Variants in DOCK8 observed in about 807,000 individuals in gnomAD.
The protein encoded by DOCK8 is dedicator of cytokinesis 8.
DOCK8 carries 141 observed loss-of-function variants against 245.6 expected under a neutral mutation model. The ratio of observed to expected loss-of-function variants is 0.57; its 90% CI spans 0.50 to 0.66. DOCK8 has a LOEUF of 0.66. DOCK8 is among the 30% of genes least tolerant of loss of function. The pLI is 0.00. For missense variants in DOCK8, 2,965 were observed against 2,603.4 expected (o/e 1.14, Z -3.02); for synonymous variants, 1,168 against 970.2 (o/e 1.20, Z -3.79).
chr9:271,629 A>G lies in DOCK8; in HGVS notation c.56A>G (p.Tyr19Cys), dbSNP rs578093992. The G allele has an allele frequency of 1.9e-5, 29 of 1,542,620 alleles. No homozygotes were observed. The highest frequency in any genetic ancestry group is 2.5e-5 in the Non-Finnish European group (28 of 1,138,916). ...RRAFALKINR[Y>C]SSAEIRKQFT... ...AGATTTTTCTATTTTAATCCAAGGT[A>G]TTCTTCAGCGGAAATAAGGAAACAG... The change falls in exon 2 of 48, where the codon TAT (tyrosine) becomes TGT (cysteine). Residue 19 changes from tyrosine to cysteine, a missense_variant and splice_region_variant. Physicochemically the swap from Tyr to Cys is radical, Grantham distance 194. Transcript: ENST00000432829.
intron 10 of DOCK8, among the ~76,000 whole-genome samples, chr9:332,824 G>GT (rs1312973281): frequency 6.6e-6 from 1 of 151,656 alleles, no homozygotes; most frequent in African/African-American, 2.4e-5. Context: ...TGCTTGGCTA[G>GT]TTTTTTATTT....
At chr9:426,741 T>C in intron 33 of DOCK8, 144 bp from the exon 34 acceptor site, 1 of 710,474 alleles carries the variant, frequency 1.4e-6, no homozygotes, top group Non-Finnish European at 2.5e-6. Flanking sequence ...ACCTGCACTG[T>C]AGTTACTCAG....
chr9:364,828 C>T (rs1182379612), intron 14 of DOCK8, among the ~76,000 whole-genome samples: 1 of 152,042 alleles, frequency 6.6e-6, no homozygotes, highest in East Asian at 1.9e-4. Flanking sequence ...CTTTCATAGT[C>T]ATTTCTGTTA....
At chr9:434,689 T>C (rs888508624) in intron 38 of DOCK8, 94 bp from the exon 39 acceptor site, 3 of 1,364,430 alleles carry the variant, frequency 2.2e-6, no homozygotes, top group African/African-American at 2.9e-5. Flanking sequence ...CAGGGAACTC[T>C]TGGGGAGAAA....
At position 400,937 on chromosome 9, in the gene DOCK8, A is replaced by C. The variant is rs867488006; in HGVS notation, c.3234+1678A>C. On this transcript the variant is annotated intron_variant, in intron 26 of 47. Transcript: ENST00000432829. ...CTCCTTCACCATCACCACAACATCCACCACCACCATCACCACCACCACCAC... is the reference window on the plus strand; with the variant it reads ...CTCCTTCACCATCACCACAACATCCCCCACCACCATCACCACCACCACCAC... Among the ~76,000 whole-genome samples, 86 of 108,556 alleles carry C rather than the reference A, an allele frequency of 7.9e-4. 29 individuals carry two copies. Among genetic ancestry groups the C allele is most frequent in the Middle Eastern group, 0.011 (2 of 182 alleles). The allele number at this position is 108,556 out of a possible 152,430, so 71.2% of individuals were successfully genotyped here. A position where few individuals can be genotyped will look rare whatever the true frequency, so the allele number is the denominator to read the frequency against.
chr9:357,587 A>ATTTTTTTTTTTTTTTTT (rs112232586), intron 14 of DOCK8, among the ~76,000 whole-genome samples: 5 of 147,446 alleles, frequency 3.4e-5, no homozygotes, highest in African/African-American at 1.2e-4. Flanking sequence ...ATTTGATACC[A>ATTTTTTTTTTTTTTTTT]TTTTTTTTTT....
chr9:279,997 C>T (rs757026971), intron 2 of DOCK8, among the ~76,000 whole-genome samples: 2 of 152,148 alleles, frequency 1.3e-5, no homozygotes, highest in Non-Finnish European at 2.9e-5. Context: ...GTATACTACA[C>T]TGTGTTAGGA....
rs1304310869 is a variant in DOCK8, at chr9:271,731, T to C, written c.156+2T>C. 1 of 1,546,430 alleles carries C rather than the reference T, an allele frequency of 6.5e-7. No homozygotes were observed. The highest frequency in any genetic ancestry group is 2.0e-5 in the Admixed American group (1 of 50,904). On this transcript the variant is annotated splice_donor_variant, in intron 2 of 47. Coordinates refer to ENST00000432829, the MANE Select transcript of DOCK8 (RefSeq NM_203447.4). LOFTEE classifies it high-confidence loss of function. Reference sequence around the variant, plus strand: ...TCTGGCTTCCCCTCTCTTCAACTAGTAAGTATGAGTTCCAGGTTTACTTAG... The same window carrying C: ...TCTGGCTTCCCCTCTCTTCAACTAGCAAGTATGAGTTCCAGGTTTACTTAG...
intron 8 of DOCK8, 139 bp downstream of exon 8, chr9:325,876 C>G (rs2050745006): frequency 1.2e-5 from 10 of 811,816 alleles, no homozygotes; most frequent in Non-Finnish European, 1.8e-5. Flanking sequence ...AGTTCTGTTG[C>G]CTTTGCAATT....
rs199914759 is a variant in DOCK8, at chr9:215,288, C to G, written c.53+259C>G. 21 of 1,608,828 alleles carry G rather than the reference C, an allele frequency of 1.3e-5. No homozygotes were observed. The East Asian group carries it at 3.8e-4, about 29-fold the overall frequency. ...GTCCTCAGCCGCCGGGGATCCCTTCCCCGAACAACCTCGCCCGCTCCGCCC... is the reference window on the plus strand; with the variant it reads ...GTCCTCAGCCGCCGGGGATCCCTTCGCCGAACAACCTCGCCCGCTCCGCCC... On this transcript the variant is annotated intron_variant, in intron 1 of 47. Transcript: ENST00000432829.
chr9:238,413 T>G (rs375108218), intron 1 of DOCK8, among the ~76,000 whole-genome samples: 6 of 152,306 alleles, frequency 3.9e-5, no homozygotes, highest in African/African-American at 7.2e-5. Flanking sequence ...TGGCACAGGG[T>G]TCCACACTTG....
At chr9:431,268 C>A (rs10758580) in intron 36 of DOCK8, among the ~76,000 whole-genome samples, 105,170 of 152,042 alleles carry the variant, frequency 0.69, 37,965 homozygotes, top group East Asian at 0.99. Context: ...ATTTTGATAC[C>A]TTCTTTGGAA....
Position 311,285 on chromosome 9 carries a change from T to TAAAA in DOCK8, c.529-658_529-655dup, listed in dbSNP as rs57814753. Among the ~76,000 whole-genome samples the TAAAA allele has an allele frequency of 8.4e-4, 119 of 141,782 alleles. No homozygotes were observed. In the East Asian group the frequency reaches 0.011, roughly 13 times the overall value. 93.0% of individuals were successfully genotyped at this position (141,782 alleles called of 152,430 possible). A position where few individuals can be genotyped will look rare whatever the true frequency, so the allele number is the denominator to read the frequency against. ...AGGTGTCGCAGCAAGACTCGGTCTT[T>TAAAA]AAAAAAAAAAAAAAGGTAATCATAC... On this transcript the variant is annotated intron_variant, in intron 5 of 47. Transcript: ENST00000432829.
rs760091759 is a variant in DOCK8 at position 452,133 on chromosome 9, G to A, written c.6068+16G>A. 1.3e-6 allele frequency: 2 copies of A among 1,554,508 alleles called. No homozygotes were observed. Among genetic ancestry groups the A allele is most frequent in the Non-Finnish European group, 1.8e-6 (2 of 1,127,274 alleles). Reference sequence around the variant, plus strand: ...TCATCATGAGGTAAGAAGGAAAATGGCTGGGAATTTCAGTAGAGCAGTGGT... The same window carrying A: ...TCATCATGAGGTAAGAAGGAAAATGACTGGGAATTTCAGTAGAGCAGTGGT... On this transcript the variant is annotated intron_variant, in intron 46 of 47. Transcript: ENST00000432829.
At position 360,243 on chromosome 9, in the gene DOCK8, GC is replaced by G. The variant is rs369706014; in HGVS notation, c.1680-7774del. ...AGGCAGGAGAATTGCTTGATCTTGG[GC>G]AGTGGAGGTTGCAGTTAGCTGAGAT... On this transcript the variant is annotated intron_variant, in intron 14 of 47. Coordinates refer to ENST00000432829, the MANE Select transcript of DOCK8 (RefSeq NM_203447.4). 4.6e-3 allele frequency among the ~76,000 whole-genome samples: 699 copies of G among 151,662 alleles called. 9 individuals carry two copies. Among genetic ancestry groups the G allele is most frequent in the African/African-American group, 0.016 (653 of 41,256 alleles).
intron 10 of DOCK8, among the ~76,000 whole-genome samples, 159 bp from the exon 11 acceptor site, chr9:334,066 C>T (rs1036076584): frequency 2.0e-5 from 3 of 152,026 alleles, no homozygotes; most frequent in African/African-American, 7.2e-5. Flanking sequence ...CATCATTTTT[C>T]TGCCTATTCA....
At chr9:266,772 G>GC (rs1405007175) in intron 1 of DOCK8, among the ~76,000 whole-genome samples, 1 of 152,096 alleles carries the variant, frequency 6.6e-6, no homozygotes, top group Non-Finnish European at 1.5e-5. Flanking sequence ...AAATCCCAAG[G>GC]CTCCCTTCCG....
chr9:368,521 C>G (rs548584122), intron 15 of DOCK8: 23 of 536,970 alleles, frequency 4.3e-5, no homozygotes, highest in Non-Finnish European at 7.7e-5. Context: ...TATACACACA[C>G]AGTGTTACAC....
intron 20 of DOCK8, among the ~76,000 whole-genome samples, chr9:377,634 C>T (rs2053573390): frequency 6.6e-6 from 1 of 152,166 alleles, no homozygotes; most frequent in Non-Finnish European, 1.5e-5. Context: ...AAAGTTAAAA[C>T]ATAAACTCAC....
Sources: allele counts gnomAD v4.1 joint callset (sites outside exome capture counted in the v4.1 genomes callset), GRCh38; gene constraint gnomAD v4.1.1; transcripts MANE v1.5; gene names NCBI Gene and HGNC (gene_info 2026-07-23, HGNC 2026-07-21).